The following C1QTNF12 variants were observed in gnomAD, a reference collection of about 807,000 sequenced individuals.
C1QTNF12 encodes the protein adipolin.
In C1QTNF12, 39 loss-of-function variants were observed where a neutral mutation model predicts 34.3. The observed-to-expected ratio is 1.14, with a 90% CI of 0.88 to 1.49. The LOEUF is 1.49. C1QTNF12 is among the 40% of genes most tolerant of loss of function. The pLI, the probability that C1QTNF12 is intolerant of heterozygous loss-of-function variation, is 0.00. For synonymous variants in C1QTNF12, 220 were observed against 196.9 expected (o/e 1.12, Z -0.98); for missense variants, 497 against 424.7 (o/e 1.17, Z -1.50).
intron 1 of C1QTNF12, among the ~76,000 whole-genome samples, chr1:1,245,732 G>C (rs894918492): frequency 1.3e-5 from 2 of 152,216 alleles, no homozygotes; most frequent in Non-Finnish European, 2.9e-5. Context: ...ACGGGACCTC[G>C]GGCTCCAGCG....
chr1:1,243,857 C>G, intron 4 of C1QTNF12, 97 bp downstream of exon 4: 1 of 1,458,724 alleles, frequency 6.9e-7, no homozygotes. Context: ...GCCCCCAACC[C>G]ACATGCTGCC....
At chr1:1,243,274 C>T (rs953698911) in intron 5 of C1QTNF12, 122 bp from the exon 6 acceptor site, 46 of 1,001,796 alleles carry the variant, frequency 4.6e-5, no homozygotes, top group Admixed American at 1.4e-4. Flanking sequence ...GGGGAGGGGG[C>T]GCCTGAGGCC....
chr1:1,246,841 G>A (rs923793151), upstream of C1QTNF12: 2 of 501,050 alleles, frequency 4.0e-6, no homozygotes, highest in Admixed American at 1.0e-4. The surrounding 1 kb of genome is among the most constrained non-coding windows in gnomAD (Gnocchi z 4.5). Context: ...TGCCCGGAAC[G>A]GCGGCGCGAC....
intron 3 of C1QTNF12, 30 bp downstream of exon 3, chr1:1,244,161 C>T (rs1345384492): frequency 6.4e-7 from 1 of 1,561,798 alleles, no homozygotes; most frequent in Admixed American, 1.9e-5. Context: ...CCAGGCACGT[C>T]TGGTCTCTGG....
intron 4 of C1QTNF12, 56 bp downstream of exon 4, chr1:1,243,898 G>C: frequency 1.0e-5 from 15 of 1,444,772 alleles, no homozygotes; most frequent in Non-Finnish European, 1.4e-5. Flanking sequence ...GTGTGGTCCC[G>C]TCTTGCCTGT....
chr1:1,244,048 C>A lies in C1QTNF12; in HGVS notation c.437G>T (p.Gly146Val). ...LLDPLLPQGA[G>V]LRLVGEAFHC... ...AAAGGCCTCGCCCACCAGCCGCAGG[C>A]CCGCCCCCTGGGGCAGCAGCGGGTC... The change falls in exon 4 of 8, where the codon GGC becomes GTC. Residue 146 changes from glycine (G) to valine (V), a missense_variant. Coordinates refer to ENST00000330388, the MANE Select transcript of C1QTNF12 (RefSeq NM_001014980.3). The A allele has an allele frequency of 6.3e-7, 1 of 1,598,496 alleles. No individual in the cohort carries two copies. Among genetic ancestry groups the A allele is most frequent in the South Asian group, 1.1e-5 (1 of 89,374 alleles).
rs1480767177 is a variant in C1QTNF12 at position 1,246,694 on chromosome 1, T to TCCGTCCC, written c.-11_-5dup. 2.5e-6 allele frequency: 3 copies of TCCGTCCC among 1,221,572 alleles called. No homozygotes were observed. Among genetic ancestry groups the TCCGTCCC allele is most frequent in the Non-Finnish European group, 3.1e-6 (3 of 981,516 alleles). The allele number at this position is 1,221,572 out of a possible 1,614,324, so 75.7% of individuals were successfully genotyped here. A position where few individuals can be genotyped will look rare whatever the true frequency, so the allele number is the denominator to read the frequency against. ...CGGCCCAGGCCCAGCGCCGCATGGC[T>TCCGTCCC]CCGTCCCGAGGCGGCTCAGCGCGGC... On this transcript the variant is annotated 5_prime_UTR_variant, in exon 1 of 8. Coordinates refer to ENST00000330388, the MANE Select transcript of C1QTNF12 (RefSeq NM_001014980.3). This position sits in a 1 kb window ranked among gnomAD's most constrained non-coding sequence, Gnocchi z 4.5.
At chr1:1,244,327 A>G (rs1414075953) in intron 2 of C1QTNF12, 52 bp from the exon 3 acceptor site, 1 of 1,588,896 alleles carries the variant, frequency 6.3e-7, no homozygotes, top group Non-Finnish European at 8.6e-7. Context: ...GGTGGGAGCT[A>G]CCACCACACC....
rs772305985 is a variant in C1QTNF12, at chr1:1,244,278, G to T, written c.295-3C>A. ...CCTGGGGGACCGAAGAGATCCCGCTGGGGGGAGAGAGAAGCAGGTGAGGGG... is the reference window on the plus strand; with the variant it reads ...CCTGGGGGACCGAAGAGATCCCGCTTGGGGGAGAGAGAAGCAGGTGAGGGG... On this transcript the variant is annotated splice_polypyrimidine_tract_variant and splice_region_variant and intron_variant, in intron 2 of 7. Transcript: ENST00000330388. 5 of 1,591,040 alleles carry T rather than the reference G, an allele frequency of 3.1e-6. No individual in the cohort carries two copies. Among genetic ancestry groups the T allele is most frequent in the South Asian group, 2.2e-5 (2 of 89,424 alleles).
In C1QTNF12 at chr1:1,244,036, A is replaced by G; in HGVS notation, c.449T>C (p.Val150Ala). The G allele has an allele frequency of 6.3e-7, 1 of 1,579,340 alleles. No individual in the cohort carries two copies. The highest frequency in any genetic ancestry group is 8.6e-7 in the Non-Finnish European group (1 of 1,166,634). ...LLPQGAGLRL[V>A]GEAFHCRLQG... ...CAGCCGGCAGTGAAAGGCCTCGCCC[A>G]CCAGCCGCAGGCCCGCCCCCTGGGG... The change falls in exon 4 of 8, where the codon GTG becomes GCG. Residue 150 changes from valine to alanine, a missense_variant. Transcript: ENST00000330388.
rs1324685923 is a variant in C1QTNF12, at chr1:1,243,461, G to A, written c.623C>T (p.Ser208Phe). The change falls in exon 5 of 8, where the codon TCT (serine) becomes TTT (phenylalanine). Residue 208 changes from serine to phenylalanine, a missense_variant. Ser to Phe is a radical substitution (Grantham distance 155). Coordinates refer to ENST00000330388, the MANE Select transcript of C1QTNF12 (RefSeq NM_001014980.3). The stretch of plus-strand genomic sequence containing the variant: ...CGGCTCACCCACGTGCAGACTGGCA[G>A]AGAACTGGAAGATGCCGGACACGGG... The part of the protein sequence containing the change: ...TAPVSGIFQF[S>F]ASLHVDHSEL... 6.4e-7 allele frequency: 1 copy of A among 1,557,556 alleles called. No individual in the cohort carries two copies. Among genetic ancestry groups the A allele is most frequent in the Admixed American group, 1.9e-5 (1 of 52,390 alleles).
chr1:1,242,674 C>T (rs765772341), intron 7 of C1QTNF12, 28 bp from the exon 8 acceptor site: 65 of 1,572,420 alleles, frequency 4.1e-5, no homozygotes, highest in Non-Finnish European at 4.9e-5. Context: ...ACGTCACAAC[C>T]GCAGCCACAG....
intron 1 of C1QTNF12, among the ~76,000 whole-genome samples, chr1:1,245,389 T>G (rs913506238): frequency 2.7e-5 from 4 of 145,866 alleles, no homozygotes; most frequent in Non-Finnish European, 6.0e-5. Flanking sequence ...TCAGCCTATC[T>G]GGGGGCTGAG....
chr1:1,242,539 T>C lies in C1QTNF12; in HGVS notation c.*9A>G, dbSNP rs770415126. On this transcript the variant is annotated 3_prime_UTR_variant, in exon 8 of 8. Transcript: ENST00000330388. The stretch of plus-strand genomic sequence containing the variant: ...GGCGGCAGCTCCTCGCCAGCCCCCC[T>C]GGGCGCCCTCACGTGCCCAGGAGCA... 5 of 1,344,218 alleles carry C rather than the reference T, an allele frequency of 3.7e-6. No individual in the cohort carries two copies. The highest frequency in any genetic ancestry group is 3.5e-5 in the East Asian group (1 of 28,494). The allele number at this position is 1,344,218 out of a possible 1,614,324, so 83.3% of individuals were successfully genotyped here.
intron 5 of C1QTNF12, 146 bp from the exon 6 acceptor site, chr1:1,243,298 G>A: frequency 2.0e-6 from 2 of 991,420 alleles, no homozygotes; most frequent in Middle Eastern, 2.9e-4. Context: ...CGTGCAGCAG[G>A]GACCCCATGC....
chr1:1,243,908 T>C (rs1557534262), intron 4 of C1QTNF12, 46 bp downstream of exon 4: 1 of 1,572,810 alleles, frequency 6.4e-7, no homozygotes. Flanking sequence ...GTCTTGCCTG[T>C]GGGGCCCCAC....
Position 1,242,821 on chromosome 1 carries a change from C to T in C1QTNF12, c.810+14G>A, listed in dbSNP as rs374646388. 1.1e-5 allele frequency: 18 copies of T among 1,611,816 alleles called. No individual in the cohort carries two copies. Among genetic ancestry groups the T allele is most frequent in the East Asian group, 4.5e-5 (2 of 44,852 alleles). ...GCACCCGAGCCCTCCCGCTCACACC[C>T]GGCCCGGACTCACCTGCAGCTGCAG... On this transcript the variant is annotated intron_variant, in intron 7 of 7. Transcript: ENST00000330388.
At chr1:1,244,326 T>C (rs1351099657) in intron 2 of C1QTNF12, 51 bp from the exon 3 acceptor site, 14 of 1,591,516 alleles carry the variant, frequency 8.8e-6, no homozygotes, top group Non-Finnish European at 1.1e-5. Flanking sequence ...CGGTGGGAGC[T>C]ACCACCACAC....
chr1:1,245,992 C>T (rs72631899), intron 1 of C1QTNF12, among the ~76,000 whole-genome samples: 11,881 of 152,152 alleles, frequency 0.078, 644 homozygotes, highest in Middle Eastern at 0.14. Flanking sequence ...TGTGAGGACG[C>T]CCGGCCTGAC....
Sources: allele counts gnomAD v4.1 joint callset (sites outside exome capture counted in the v4.1 genomes callset), GRCh38; gene constraint gnomAD v4.1.1; non-coding constraint Gnocchi (gnomAD v3.1); transcripts MANE v1.5; gene names NCBI Gene and HGNC (gene_info 2026-07-23, HGNC 2026-07-21).